The following ACOT6 variants were observed in gnomAD, a reference collection of about 807,000 sequenced individuals.
The protein encoded by ACOT6 is acyl-coenzyme A thioesterase 6.
ACOT6 carries 14 observed loss-of-function variants against 12.3 expected under a neutral mutation model. The observed-to-expected ratio is 1.14, with a 90% CI of 0.75 to 1.78. ACOT6 has a LOEUF of 1.78. Among genes scored for constraint, ACOT6 ranks in the 40% most tolerant of loss-of-function variants. The probability of loss-of-function intolerance (pLI) is 0.00; values close to 1 mark genes in which losing one functional copy is unlikely to be tolerated. For synonymous variants in ACOT6, 218 were observed against 231.3 expected, an observed-to-expected ratio of 0.94 and a Z score of 0.52; for missense variants, 523 against 551.8, an observed-to-expected ratio of 0.95 and a Z score of 0.52.
chr14:73,619,320 A>G lies in ACOT6; in HGVS notation c.747A>G (p.Thr249=), dbSNP rs1238581886. ...TGGCTTCTTTCTTGAAGGGCATCAC[A>G]GCCACTGTACTTATCAATGCCTGTG... ...LSMASFLKGI[T]ATVLINACVA... Residue 249 remains threonine (T), a synonymous_variant, in exon 3 of 3, where the codon ACA becomes ACG. Transcript: ENST00000645972. 1.9e-6 allele frequency: 3 copies of G among 1,613,690 alleles called. No individual in the cohort carries two copies. Among genetic ancestry groups the G allele is most frequent in the East Asian group, 2.2e-5 (1 of 44,898 alleles).
intron 1 of ACOT6, among the ~76,000 whole-genome samples, chr14:73,616,149 T>C (rs936812808): frequency 1.3e-5 from 2 of 152,036 alleles, no homozygotes; most frequent in Non-Finnish European, 2.9e-5. Flanking sequence ...TAAACTTTTT[T>C]GTAGAGATGG....
At chr14:73,615,457 G>A (rs1488345320) in intron 1 of ACOT6, among the ~76,000 whole-genome samples, 2 of 146,880 alleles carry the variant, frequency 1.4e-5, no homozygotes, top group Non-Finnish European at 1.5e-5. Context: ...AAGACTGGGC[G>A]CAGTGGCTTA....
At chr14:73,616,092 G>A (rs1237940958) in intron 1 of ACOT6, among the ~76,000 whole-genome samples, 1 of 151,864 alleles carries the variant, frequency 6.6e-6, no homozygotes. Context: ...TCTTCCTCCT[G>A]AGTAGCTAAG....
chr14:73,619,087 A>C, intron 2 of ACOT6, 147 bp from the exon 3 acceptor site: 1 of 1,002,564 alleles, frequency 1.0e-6, no homozygotes, highest in Non-Finnish European at 1.4e-6. Context: ...CCAAGATTGC[A>C]CCACTGCACT....
At chr14:73,613,672 C>T (rs1177785138) in intron 1 of ACOT6, among the ~76,000 whole-genome samples, 1 of 152,094 alleles carries the variant, frequency 6.6e-6, no homozygotes, top group Non-Finnish European at 1.5e-5. Context: ...GGGAGAGGTG[C>T]TATTGGCATC....
In ACOT6 at chr14:73,619,821, C is replaced by G. The variant is rs1328674033; in HGVS notation, c.1248C>G (p.Val416=). ...AACATCTCAATGGTAAAAAATCTGT[C>G]AAGCACAGCAAAATATAACATTGTA... ...FHKHLNGKKS[V]KHSKI Residue 416 remains valine, a synonymous_variant, in exon 3 of 3, where the codon GTC becomes GTG. Coordinates refer to ENST00000645972, the MANE Select transcript of ACOT6 (RefSeq NM_001365788.1). 1 of 1,602,084 alleles carries G rather than the reference C, an allele frequency of 6.2e-7. No individual in the cohort carries two copies. Among genetic ancestry groups the G allele is most frequent in the African/African-American group, 1.3e-5 (1 of 74,364 alleles).
At position 73,612,741 on chromosome 14, in the gene ACOT6, G is replaced by C. The variant is rs947438959; in HGVS notation, c.170G>C (p.Arg57Pro). 5.5e-5 allele frequency: 75 copies of C among 1,367,304 alleles called. No individual in the cohort carries two copies. The highest frequency in any genetic ancestry group is 6.8e-5 in the Non-Finnish European group (73 of 1,067,978). The allele number at this position is 1,367,304 out of a possible 1,614,324, so 84.7% of individuals were successfully genotyped here. ...CACGCGCGCTACCGTGCCGACGCCCGCGACGAGCTGGACCTGGAGCGCGCG... is the reference window on the plus strand; with the variant it reads ...CACGCGCGCTACCGTGCCGACGCCCCCGACGAGCTGGACCTGGAGCGCGCG... ...RAHARYRADA[R>P]DELDLERAPA... Residue 57 changes from arginine (R) to proline (P), a missense_variant, in exon 1 of 3, where the codon CGC (arginine) becomes CCC (proline). Transcript: ENST00000645972.
chr14:73,617,195 G>A lies in ACOT6; in HGVS notation c.660+3G>A, dbSNP rs369706573. On this transcript the variant is annotated splice_donor_region_variant and intron_variant, in intron 2 of 2. Transcript: ENST00000645972. ...ACTTTATGCTGCAGCATCCAAAGGT[G>A]CGTTCTGGTGATCACCTGAGTGCAG... The A allele has an allele frequency of 2.7e-5, 44 of 1,614,186 alleles. No homozygotes were observed. The African/African-American group carries it at 5.7e-4, about 21-fold the overall frequency.
At position 73,612,718 on chromosome 14, in the gene ACOT6, C is replaced by T; in HGVS notation, c.147C>T (p.His49=). ...RDEEGALFRA[H]ARYRADARDE... ...AAGAGGGCGCGCTCTTCCGGGCCCA[C>T]GCGCGCTACCGTGCCGACGCCCGCG... Residue 49 remains histidine (H), a synonymous_variant, in exon 1 of 3, where the codon CAC becomes CAT. Coordinates refer to ENST00000645972, the MANE Select transcript of ACOT6 (RefSeq NM_001365788.1). 1.5e-6 allele frequency: 2 copies of T among 1,376,960 alleles called. No individual in the cohort carries two copies. The highest frequency in any genetic ancestry group is 3.4e-5 in the South Asian group (2 of 58,560). The allele number at this position is 1,376,960 out of a possible 1,614,324, so 85.3% of individuals were successfully genotyped here.
At chr14:73,618,917 G>A (rs981795713) in intron 2 of ACOT6, among the ~76,000 whole-genome samples, 1 of 152,146 alleles carries the variant, frequency 6.6e-6, no homozygotes, top group Non-Finnish European at 1.5e-5. Context: ...GATCACTTGA[G>A]GTCAGAAGTT....
chr14:73,617,437 T>C (rs893701314), intron 2 of ACOT6, among the ~76,000 whole-genome samples: 3 of 151,944 alleles, frequency 2.0e-5, no homozygotes, highest in African/African-American at 7.3e-5. Context: ...CAACATTTAG[T>C]GAGACCCCTG....
chr14:73,612,849 T>C lies in ACOT6; in HGVS notation c.278T>C (p.Leu93Pro). 7.0e-7 allele frequency: 1 copy of C among 1,420,168 alleles called. No homozygotes were observed. Among genetic ancestry groups the C allele is most frequent in the African/African-American group, 1.5e-5 (1 of 67,148 alleles). The allele number at this position is 1,420,168 out of a possible 1,614,324, so 88.0% of individuals were successfully genotyped here. Reference sequence around the variant, plus strand: ...GAGCCCGAGAAAGCCTTGGTGCGGCTGGTGAAGCGCGACGTGCGGACGCCC... The same window carrying C: ...GAGCCCGAGAAAGCCTTGGTGCGGCCGGTGAAGCGCGACGTGCGGACGCCC... ...ALEPEKALVR[L>P]VKRDVRTPFA... The change falls in exon 1 of 3, where the codon CTG becomes CCG. Residue 93 changes from leucine to proline, a missense_variant. Coordinates refer to ENST00000645972, the MANE Select transcript of ACOT6 (RefSeq NM_001365788.1).
chr14:73,616,744 G>A, intron 1 of ACOT6: 1 of 340,030 alleles, frequency 2.9e-6, no homozygotes, highest in Non-Finnish European at 5.3e-6. Context: ...GGTGGTTTGG[G>A]GTTACACGGA....
chr14:73,612,830 G>C lies in ACOT6; in HGVS notation c.259G>C (p.Glu87Gln). The change falls in exon 1 of 3, where the codon GAG (glutamate) becomes CAG (glutamine). Residue 87 changes from glutamate (E) to glutamine (Q), a missense_variant. Transcript: ENST00000645972. ...GGGGCTGCTGTGGGCGTTGGAGCCC[G>C]AGAAAGCCTTGGTGCGGCTGGTGAA... is the stretch of plus-strand genomic sequence containing the variant. ...PMGLLWALEP[E>Q]KALVRLVKRD... 2.1e-6 allele frequency: 3 copies of C among 1,424,810 alleles called. No homozygotes were observed. The highest frequency in any genetic ancestry group is 3.0e-5 in the East Asian group (1 of 33,652). The allele number at this position is 1,424,810 out of a possible 1,614,324, so 88.3% of individuals were successfully genotyped here. A position where few individuals can be genotyped will look rare whatever the true frequency, so the allele number is the denominator to read the frequency against.
chr14:73,619,590 T>C lies in ACOT6; in HGVS notation c.1017T>C (p.Ser339=), dbSNP rs779317719. 6.2e-7 allele frequency: 1 copy of C among 1,614,218 alleles called. No individual in the cohort carries two copies. The highest frequency in any genetic ancestry group is 1.7e-5 in the Admixed American group (1 of 60,012). The change falls in exon 3 of 3, where the codon TCT becomes TCC. Residue 339 remains serine (S), a synonymous_variant. Transcript: ENST00000645972. ...WKSEFYAQIA[S]ERLQAHGKER... ...GTGAATTCTATGCTCAGATAGCCTC[T>C]GAAAGGCTACAAGCTCATGGGAAAG...
Position 73,612,625 on chromosome 14 carries a change from G to A in ACOT6, c.54G>A (p.Pro18=), listed in dbSNP as rs542343204. The A allele has an allele frequency of 2.3e-3, 3,287 of 1,408,582 alleles. 8 individuals are homozygous for A. Among genetic ancestry groups the A allele is most frequent in the Non-Finnish European group, 2.7e-3 (2,955 of 1,079,148 alleles). 87.3% of individuals were successfully genotyped at this position (1,408,582 alleles called of 1,614,324 possible). The change falls in exon 1 of 3, where the codon CCG becomes CCA. Residue 18 remains proline, a synonymous_variant. Coordinates refer to ENST00000645972, the MANE Select transcript of ACOT6 (RefSeq NM_001365788.1). ...CGGGCCGCTGCTGCTGGGACGAGCCGCTGCGCATCGCAGTGCGCGGCCTGG... is the reference window on the plus strand; with the variant it reads ...CGGGCCGCTGCTGCTGGGACGAGCCACTGCGCATCGCAGTGCGCGGCCTGG... ...EPAGRCCWDE[P]LRIAVRGLAP...
chr14:73,618,174 A>C (rs1028012765), intron 2 of ACOT6, among the ~76,000 whole-genome samples: 11 of 152,080 alleles, frequency 7.2e-5, no homozygotes, highest in African/African-American at 2.7e-4. Context: ...CAACGACAAC[A>C]AATTTTGGTA....
At position 73,619,661 on chromosome 14, in the gene ACOT6, A is replaced by G; in HGVS notation, c.1088A>G (p.Asp363Gly). 6.2e-7 allele frequency: 1 copy of G among 1,614,044 alleles called. No homozygotes were observed. Among genetic ancestry groups the G allele is most frequent in the East Asian group, 2.2e-5 (1 of 44,892 alleles). ...ICYPETGHCI[D>G]PPYFPPSRAS... ...TACCCAGAAACTGGTCACTGTATTG[A>G]CCCACCTTATTTTCCTCCTTCTAGA... The change falls in exon 3 of 3, where the codon GAC becomes GGC. Residue 363 changes from aspartate to glycine, a missense_variant. By Grantham distance (94) the Asp-to-Gly change is moderately conservative. Coordinates refer to ENST00000645972, the MANE Select transcript of ACOT6 (RefSeq NM_001365788.1).
At chr14:73,618,911 A>G (rs1339889153) in intron 2 of ACOT6, among the ~76,000 whole-genome samples, 1 of 152,202 alleles carries the variant, frequency 6.6e-6, no homozygotes, top group Non-Finnish European at 1.5e-5. Context: ...CAGGCGGATC[A>G]CTTGAGGTCA....
Sources: gnomAD v4.1 joint callset for allele counts (sites outside exome capture counted in the v4.1 genomes callset) on GRCh38, gnomAD v4.1.1 for gene constraint, MANE v1.5 for transcripts, NCBI Gene and HGNC (gene_info 2026-07-23, HGNC 2026-07-21) for gene names.